The following LAMP3 variants were observed in gnomAD, a reference collection of about 807,000 sequenced individuals.
The protein encoded by LAMP3 is lysosome-associated membrane glycoprotein 3.
LAMP3 carries 26 observed loss-of-function variants against 34.8 expected under a neutral mutation model. The ratio of observed to expected loss-of-function variants is 0.75; its 90% CI spans 0.55 to 1.04. The LOEUF (loss-of-function observed/expected upper bound fraction) is 1.04. LAMP3 is among the 50% of genes least tolerant of loss of function. The probability of loss-of-function intolerance (pLI) is 0.00; values close to 1 mark genes in which losing one functional copy is unlikely to be tolerated. For missense variants in LAMP3, 495 were observed against 524.0 expected, an observed-to-expected ratio of 0.94 and a Z score of 0.54; for synonymous variants, 180 against 201.9, an observed-to-expected ratio of 0.89 and a Z score of 0.92.
intron 5 of LAMP3, among the ~76,000 whole-genome samples, chr3:183,128,732 G>C (rs1719842603): frequency 6.6e-6 from 1 of 152,060 alleles, no homozygotes; most frequent in South Asian, 2.1e-4. Context: ...TGTAGAGATG[G>C]GGTTTCGCCA....
At chr3:183,162,835 C>G (rs1255953870), upstream of LAMP3, 3 of 579,494 alleles carry the variant, frequency 5.2e-6, no homozygotes, top group South Asian at 4.5e-5. Flanking sequence ...CCTACCCCTA[C>G]GGAGCAGGGA....
intron 5 of LAMP3, among the ~76,000 whole-genome samples, chr3:183,125,766 G>A (rs1719764211): frequency 6.6e-6 from 1 of 151,956 alleles, no homozygotes; most frequent in Admixed American, 6.6e-5. Flanking sequence ...TTTTTTTGCA[G>A]CCTGGAACTC....
intron 5 of LAMP3, among the ~76,000 whole-genome samples, chr3:183,131,324 G>A (rs574193403): frequency 6.6e-6 from 1 of 152,328 alleles, no homozygotes; most frequent in East Asian, 1.9e-4. Flanking sequence ...AAGAGTGAGT[G>A]GCTGGTGAAT....
chr3:183,124,460 C>T (rs986360176), intron 5 of LAMP3, among the ~76,000 whole-genome samples: 1 of 152,184 alleles, frequency 6.6e-6, no homozygotes, highest in Admixed American at 6.5e-5. Context: ...AATTAACATT[C>T]AATAATCATA....
rs1720758516 is a variant in LAMP3, at chr3:183,154,250, A to G, written c.191T>C (p.Leu64Ser). Residue 64 changes from leucine to serine, a missense_variant, in exon 2 of 6, where the codon TTA becomes TCA. By Grantham distance (145) the Leu-to-Ser change is moderately radical (BLOSUM62 -2). Coordinates refer to ENST00000265598, the MANE Select transcript of LAMP3 (RefSeq NM_014398.4). ...ATGACCATCCATGAATCTTGCTGCT[A>G]AAGTTTGGTGAGGTGCTTGCTTAGC... ...QPAKQAPHQT[L>S]AARFMDGHIT... is the part of the protein sequence containing the mutation. 1 of 1,614,132 alleles carries G rather than the reference A, an allele frequency of 6.2e-7. No homozygotes were observed. Among genetic ancestry groups the G allele is most frequent in the Non-Finnish European group, 8.5e-7 (1 of 1,180,032 alleles).
chr3:183,159,150 C>T (rs1720904730), intron 1 of LAMP3, among the ~76,000 whole-genome samples: 1 of 152,232 alleles, frequency 6.6e-6, no homozygotes, highest in African/African-American at 2.4e-5. Context: ...ACCTCAGACT[C>T]CCAAAGTGCT....
chr3:183,152,548 A>T, intron 2 of LAMP3, 45 bp from the exon 3 acceptor site: 1 of 1,547,762 alleles, frequency 6.5e-7, no homozygotes, highest in Non-Finnish European at 8.7e-7. Context: ...GTAGAGGAAA[A>T]CTCTAGCTAG....
chr3:183,139,924 A>G (rs897776292), intron 4 of LAMP3, among the ~76,000 whole-genome samples: 57 of 152,354 alleles, frequency 3.7e-4, no homozygotes, highest in Admixed American at 3.4e-3. Flanking sequence ...TTCCCAGAGT[A>G]TAGAATAAGC....
intron 3 of LAMP3, among the ~76,000 whole-genome samples, chr3:183,147,572 C>T (rs1381787340): frequency 1.3e-5 from 2 of 151,750 alleles, no homozygotes; most frequent in East Asian, 3.9e-4. Context: ...TTCATCAAAA[C>T]TGGTAAAATA....
chr3:183,144,789 C>A (rs1338664782), intron 3 of LAMP3, among the ~76,000 whole-genome samples: 1 of 152,182 alleles, frequency 6.6e-6, no homozygotes, highest in African/African-American at 2.4e-5. Flanking sequence ...CCTGTAGTCC[C>A]AGCTACTCAG....
At chr3:183,139,321 C>T (rs1720198806) in intron 4 of LAMP3, among the ~76,000 whole-genome samples, 1 of 149,272 alleles carries the variant, frequency 6.7e-6, no homozygotes, top group South Asian at 2.1e-4. Flanking sequence ...ATCTGGGAGG[C>T]AGAGATTGCA....
chr3:183,146,720 G>T (rs971980306), intron 3 of LAMP3, among the ~76,000 whole-genome samples: 20 of 151,886 alleles, frequency 1.3e-4, no homozygotes, highest in South Asian at 1.2e-3. Context: ...TAGAGACAGG[G>T]TCTTGCCATG....
At chr3:183,137,823 C>CT (rs1312008157) in intron 4 of LAMP3, among the ~76,000 whole-genome samples, 1,798 of 142,912 alleles carry the variant, frequency 0.013, 31 homozygotes, top group East Asian at 0.067. Context: ...TTCCCCCCAC[C>CT]TTTTTTTTTT....
In LAMP3 at chr3:183,131,963, T is replaced by C. The variant is rs544017097; in HGVS notation, c.1117+3754A>G. ...GGTGAATGTTTGCGTAAAAGGGAAGTGAGTGATCCTCCAGGCAGGTCTACC... is the reference window on the plus strand; with the variant it reads ...GGTGAATGTTTGCGTAAAAGGGAAGCGAGTGATCCTCCAGGCAGGTCTACC... On this transcript the variant is annotated intron_variant, in intron 5 of 5. Transcript: ENST00000265598. 4.1e-6 allele frequency: 4 copies of C among 985,418 alleles called. No individual in the cohort carries two copies. The African/African-American group carries it at 7.0e-5, about 17-fold the overall frequency. 61.0% of individuals were successfully genotyped at this position (985,418 alleles called of 1,614,324 possible).
intron 1 of LAMP3, chr3:183,161,982 G>A (rs1240112115): frequency 1.0e-6 from 1 of 985,262 alleles, no homozygotes; most frequent in African/African-American, 1.7e-5. Context: ...CCCTGCTTGA[G>A]CATGTTAGCC....
intron 3 of LAMP3, among the ~76,000 whole-genome samples, chr3:183,143,705 GAAAA>G (rs148982293): frequency 6.7e-6 from 1 of 149,834 alleles, no homozygotes; most frequent in African/African-American, 2.5e-5. Context: ...CTCTTTCCAA[GAAAA>G]AAAAAGATTC....
chr3:183,136,575 C>T (rs1213357332), intron 4 of LAMP3, among the ~76,000 whole-genome samples: 1 of 147,828 alleles, frequency 6.8e-6, no homozygotes, highest in East Asian at 2.1e-4. Context: ...CGCTTGAACC[C>T]AGGAGGTGGA....
chr3:183,150,719 G>A (rs1055004440), intron 3 of LAMP3, among the ~76,000 whole-genome samples: 1 of 151,950 alleles, frequency 6.6e-6, no homozygotes, highest in African/African-American at 2.4e-5. Flanking sequence ...ACCATGCCCA[G>A]CTAATTTTAT....
chr3:183,140,280 G>A (rs998940384), intron 4 of LAMP3, among the ~76,000 whole-genome samples: 10 of 151,848 alleles, frequency 6.6e-5, no homozygotes, highest in East Asian at 3.9e-4. Context: ...GGTGGCACAC[G>A]CCTGTAATCC....
Sources: allele counts gnomAD v4.1 joint callset (sites outside exome capture counted in the v4.1 genomes callset), GRCh38; gene constraint gnomAD v4.1.1; transcripts MANE v1.5; gene names NCBI Gene and HGNC (gene_info 2026-07-23, HGNC 2026-07-21).